PMFBP1: variants seen among roughly 807,000 people sequenced by gnomAD.
PMFBP1 encodes polyamine-modulated factor 1-binding protein 1.
In PMFBP1, 131 loss-of-function variants were observed where a neutral mutation model predicts 137.8. The ratio of observed to expected loss-of-function variants is 0.95; its 90% CI spans 0.82 to 1.10. PMFBP1 has a LOEUF of 1.10. Ranked by LOEUF, PMFBP1 falls within the 50% of genes least tolerant of loss-of-function variation. The pLI is 0.00. For synonymous variants in PMFBP1, 490 were observed against 450.4 expected, an observed-to-expected ratio of 1.09 and a Z score of -1.11; for missense variants, 1,199 against 1,175.4, an observed-to-expected ratio of 1.02 and a Z score of -0.29.
At chr16:72,145,295 G>A (rs957271365) in intron 5 of PMFBP1, among the ~76,000 whole-genome samples, 24 of 152,144 alleles carry the variant, frequency 1.6e-4, no homozygotes, top group Admixed American at 5.9e-4. Context: ...GGTAAGTAAC[G>A]AAATGAAGGC....
At position 72,140,506 on chromosome 16, in the gene PMFBP1, G is replaced by C; in HGVS notation, c.713C>G (p.Thr238Ser). 1 of 1,613,074 alleles carries C rather than the reference G, an allele frequency of 6.2e-7. No individual in the cohort carries two copies. Among genetic ancestry groups the C allele is most frequent in the African/African-American group, 1.3e-5 (1 of 75,006 alleles). The change falls in exon 6 of 21, where the codon ACT (threonine) becomes AGT (serine). Residue 238 changes from threonine (T) to serine (S), a missense_variant. By Grantham distance (58) the Thr-to-Ser change is moderately conservative (BLOSUM62 1). Coordinates refer to ENST00000237353, the MANE Select transcript of PMFBP1 (RefSeq NM_031293.3). ...CCAGACTTCAGACAGTCGTTTCTGA[G>C]TCTCCTGATGCTCTTGAATCATGCA... ...SPCMIQEHQE[T>S]QKRLSEVWQK...
the PMFBP1 span, among the ~76,000 whole-genome samples, chr16:72,214,612 G>A: frequency 2.0e-5 from 3 of 152,188 alleles, no homozygotes; most frequent in Non-Finnish European, 4.4e-5. Flanking sequence ...TGGAATGTTT[G>A]AATCCTGTAG....
At chr16:72,174,502 T>A (rs367691137), upstream of PMFBP1, among the ~76,000 whole-genome samples, 10 of 152,328 alleles carry the variant, frequency 6.6e-5, no homozygotes, top group African/African-American at 2.4e-4. Context: ...CTCTCCTAGC[T>A]AGAGTATGCC....
At chr16:72,224,083 T>A in the PMFBP1 span, among the ~76,000 whole-genome samples, 3 of 152,124 alleles carry the variant, frequency 2.0e-5, no homozygotes, top group African/African-American at 7.2e-5. Flanking sequence ...GTGATAAAAA[T>A]AAAGCCAACC....
the PMFBP1 span, among the ~76,000 whole-genome samples, chr16:72,207,022 C>T: frequency 5.3e-5 from 8 of 152,090 alleles, no homozygotes; most frequent in African/African-American, 1.4e-4. Flanking sequence ...CATTTTGTCT[C>T]GGTAGCCACC....
At chr16:72,230,536 C>T in the PMFBP1 span, among the ~76,000 whole-genome samples, 2,395 of 152,238 alleles carry the variant, frequency 0.016, 65 homozygotes, top group African/African-American at 0.055. Context: ...AAACTCAGCA[C>T]GCTCAAAGCT....
chr16:72,229,216 G>C, the PMFBP1 span, among the ~76,000 whole-genome samples: 1 of 152,036 alleles, frequency 6.6e-6, no homozygotes, highest in Non-Finnish European at 1.5e-5. Context: ...AATATTCCAT[G>C]GTATATATGT....
At chr16:72,241,065 A>C in the PMFBP1 span, among the ~76,000 whole-genome samples, 1 of 152,178 alleles carries the variant, frequency 6.6e-6, no homozygotes, top group Admixed American at 6.5e-5. Context: ...ACTTATGTTA[A>C]AGAAGATATG....
At chr16:72,132,004 C>A (rs2042556609) in intron 10 of PMFBP1, among the ~76,000 whole-genome samples, 1 of 152,112 alleles carries the variant, frequency 6.6e-6, no homozygotes, top group Non-Finnish European at 1.5e-5. Context: ...CACCACCATG[C>A]CTGGCTAATT....
chr16:72,192,572 T>C, the PMFBP1 span, among the ~76,000 whole-genome samples: 1 of 152,150 alleles, frequency 6.6e-6, no homozygotes, highest in African/African-American at 2.4e-5. Flanking sequence ...AGAATAAGTA[T>C]GCAAAGATGT....
the PMFBP1 span, among the ~76,000 whole-genome samples, chr16:72,189,875 T>C: frequency 6.6e-6 from 1 of 152,114 alleles, no homozygotes; most frequent in Admixed American, 6.5e-5. Context: ...GTGCTGCTGA[T>C]TAGTTGAGGA....
intron 2 of PMFBP1, among the ~76,000 whole-genome samples, chr16:72,167,237 C>T (rs1382109973): frequency 6.6e-6 from 1 of 152,180 alleles, no homozygotes; most frequent in Admixed American, 6.5e-5. Context: ...AGAAGGTTTC[C>T]CAGAACTGCT....
the PMFBP1 span, among the ~76,000 whole-genome samples, chr16:72,218,019 T>A: frequency 6.6e-6 from 1 of 152,202 alleles, no homozygotes; most frequent in Non-Finnish European, 1.5e-5. Flanking sequence ...TGCTATACAG[T>A]ATTTCCTGCT....
chr16:72,227,833 T>C, the PMFBP1 span, among the ~76,000 whole-genome samples: 6 of 152,228 alleles, frequency 3.9e-5, no homozygotes, highest in Non-Finnish European at 2.9e-5. Flanking sequence ...ATGTGGCATA[T>C]ATATGTACTT....
At chr16:72,234,546 C>A in the PMFBP1 span, among the ~76,000 whole-genome samples, 1 of 152,190 alleles carries the variant, frequency 6.6e-6, no homozygotes, top group Non-Finnish European at 1.5e-5. Flanking sequence ...ACATGCTTAA[C>A]AGCAACGTCC....
At chr16:72,157,536 C>G (rs911228137) in intron 3 of PMFBP1, among the ~76,000 whole-genome samples, 1 of 151,978 alleles carries the variant, frequency 6.6e-6, no homozygotes, top group Non-Finnish European at 1.5e-5. Context: ...ACTTTTTTTT[C>G]TGGCTGGAGC....
At chr16:72,137,675 T>C (rs901261890) in intron 7 of PMFBP1, among the ~76,000 whole-genome samples, 2 of 152,010 alleles carry the variant, frequency 1.3e-5, no homozygotes, top group Non-Finnish European at 2.9e-5. Flanking sequence ...TCACATCACC[T>C]GGGGCTTGGG....
chr16:72,205,876 G>T, the PMFBP1 span, among the ~76,000 whole-genome samples: 1 of 152,086 alleles, frequency 6.6e-6, no homozygotes, highest in Non-Finnish European at 1.5e-5. Context: ...GCATCTAGAT[G>T]GAGGCTCTGA....
chr16:72,146,887 T>C (rs1037745141), intron 5 of PMFBP1, among the ~76,000 whole-genome samples: 2 of 152,154 alleles, frequency 1.3e-5, no homozygotes, highest in Admixed American at 6.5e-5. Flanking sequence ...CACAAACAAA[T>C]GGAAGAACAT....
Sources: gnomAD v4.1 joint callset for allele counts (sites outside exome capture counted in the v4.1 genomes callset) on GRCh38, gnomAD v4.1.1 for gene constraint, MANE v1.5 for transcripts, NCBI Gene and HGNC (gene_info 2026-07-23, HGNC 2026-07-21) for gene names.